The following DNAH7 variants were observed in gnomAD, a reference collection of about 807,000 sequenced individuals.
The protein encoded by DNAH7 is dynein axonemal heavy chain 7.
A neutral mutation model predicts 444.6 loss-of-function variants in DNAH7; 397 were observed. The observed-to-expected ratio is 0.89, with a 90% CI of 0.82 to 0.97. DNAH7 has a LOEUF of 0.97. Ranked by LOEUF, DNAH7 falls within the 50% of genes least tolerant of loss-of-function variation. The pLI is 0.00. For synonymous variants in DNAH7, 1,636 were observed against 1,624.4 expected, an observed-to-expected ratio of 1.01 and a Z score of -0.17; for missense variants, 4,902 against 4,800.8, an observed-to-expected ratio of 1.02 and a Z score of -0.62.
At chr2:196,057,599 T>A (rs1175692909) in intron 2 of DNAH7, among the ~76,000 whole-genome samples, 1 of 152,194 alleles carries the variant, frequency 6.6e-6, no homozygotes, top group East Asian at 1.9e-4. Context: ...CACTTAAAAT[T>A]TTCATCCAAG....
chr2:195,821,070 T>C (rs538749545), intron 49 of DNAH7, among the ~76,000 whole-genome samples: 1 of 152,208 alleles, frequency 6.6e-6, no homozygotes, highest in South Asian at 2.1e-4. Flanking sequence ...AACTCCACCT[T>C]TGTTTTATGT....
At chr2:195,781,779 A>T (rs112041085) in intron 58 of DNAH7, among the ~76,000 whole-genome samples, 268 of 152,064 alleles carry the variant, frequency 1.8e-3, no homozygotes, top group African/African-American at 6.4e-3. Flanking sequence ...CAACATATGT[A>T]GGTAAAAAAA....
chr2:195,957,500 C>A, intron 18 of DNAH7, 53 bp from the exon 19 acceptor site: 1 of 1,400,168 alleles, frequency 7.1e-7, no homozygotes, highest in Non-Finnish European at 9.4e-7. Context: ...GCAAATGTTT[C>A]AAATGACAAA....
At chr2:195,744,233 G>A (rs1167498883) in intron 63 of DNAH7, among the ~76,000 whole-genome samples, 1 of 152,226 alleles carries the variant, frequency 6.6e-6, no homozygotes, top group Non-Finnish European at 1.5e-5. Flanking sequence ...GCTCGGAGGG[G>A]CCTACGCCCA....
At chr2:195,809,666 T>C in intron 52 of DNAH7, 79 bp downstream of exon 52, 3 of 1,260,592 alleles carry the variant, frequency 2.4e-6, no homozygotes, top group Non-Finnish European at 3.1e-6. Context: ...TCTTTTTATA[T>C]ATATTCCCAT....
chr2:195,903,846 C>A (rs1181846788), intron 27 of DNAH7: 2 of 152,138 alleles, frequency 1.3e-5, no homozygotes. Context: ...CTCCTCACTA[C>A]ACCCAAGTTC....
At chr2:195,832,038 T>C (rs1023869525) in intron 48 of DNAH7, among the ~76,000 whole-genome samples, 1 of 152,228 alleles carries the variant, frequency 6.6e-6, no homozygotes, top group Non-Finnish European at 1.5e-5. Context: ...ACTAAGTACA[T>C]ATATATGCAT....
intron 19 of DNAH7, among the ~76,000 whole-genome samples, chr2:195,956,693 T>C (rs4467289): frequency 0.07 from 10,717 of 152,154 alleles, 726 homozygotes; most frequent in African/African-American, 0.18. Flanking sequence ...AAAACGTACT[T>C]TTTTTTAGTG....
At position 195,881,708 on chromosome 2, in the gene DNAH7, T is replaced by C. The variant is rs1329866053; in HGVS notation, c.5961+87A>G. On this transcript the variant is annotated intron_variant, in intron 36 of 64. Coordinates refer to ENST00000312428, the MANE Select transcript of DNAH7 (RefSeq NM_018897.3). Reference sequence around the variant, plus strand: ...GTTCAAACATCAAAGTACTTGAGTATTTTTAAAAAATTATTTGTCTGCTAT... The same window carrying C: ...GTTCAAACATCAAAGTACTTGAGTACTTTTAAAAAATTATTTGTCTGCTAT... 3.6e-6 allele frequency: 5 copies of C among 1,390,738 alleles called. No individual in the cohort carries two copies. In the Admixed American group the frequency reaches 6.3e-5, roughly 18 times the overall value. 86.1% of individuals were successfully genotyped at this position (1,390,738 alleles called of 1,614,324 possible).
chr2:196,046,644 A>C (rs931029612), intron 5 of DNAH7, among the ~76,000 whole-genome samples: 3 of 151,692 alleles, frequency 2.0e-5, no homozygotes, highest in Non-Finnish European at 4.4e-5. Flanking sequence ...TGGGACTCCG[A>C]TACACTCCTT....
intron 54 of DNAH7, among the ~76,000 whole-genome samples, chr2:195,801,552 A>G (rs1696458258): frequency 6.6e-6 from 1 of 152,166 alleles, no homozygotes; most frequent in Admixed American, 6.6e-5. Flanking sequence ...CTGCTCAGAT[A>G]CAAGAATGGA....
chr2:195,904,291 T>G (rs181581707), intron 27 of DNAH7: 1 of 152,286 alleles, frequency 6.6e-6, no homozygotes, highest in Non-Finnish European at 1.5e-5. Context: ...ACTGTACATA[T>G]GTTTAGCGTT....
intron 10 of DNAH7, among the ~76,000 whole-genome samples, chr2:196,008,183 T>C (rs1364382141): frequency 1.3e-5 from 2 of 151,990 alleles, no homozygotes; most frequent in Non-Finnish European, 2.9e-5. Flanking sequence ...CATAAAAAGA[T>C]AGTCAACATC....
At position 195,864,632 on chromosome 2, in the gene DNAH7, C is replaced by A. The variant is rs375086705; in HGVS notation, c.7023G>T (p.Gly2341=). ...KQPRSHALLV[G]VGGSGRQSVT... ...CAGACTGCCTTCCACTCCCTCCAAC[C>A]CCTACTAGGAGAGCATGGCTGCGAG... The change falls in exon 41 of 65, where the codon GGG becomes GGT. Residue 2341 remains glycine (G), a synonymous_variant. Coordinates refer to ENST00000312428, the MANE Select transcript of DNAH7 (RefSeq NM_018897.3). The A allele has an allele frequency of 6.2e-7, 1 of 1,614,054 alleles. No homozygotes were observed. Among genetic ancestry groups the A allele is most frequent in the Non-Finnish European group, 8.5e-7 (1 of 1,180,044 alleles).
chr2:195,965,786 G>C (rs1344871610), intron 17 of DNAH7, among the ~76,000 whole-genome samples: 3 of 152,092 alleles, frequency 2.0e-5, no homozygotes, highest in African/African-American at 7.2e-5. Context: ...TTGAGCCTTA[G>C]AGTTTCTACA....
intron 44 of DNAH7, among the ~76,000 whole-genome samples, chr2:195,856,496 T>C (rs903496128): frequency 3.3e-5 from 5 of 152,194 alleles, no homozygotes; most frequent in Non-Finnish European, 5.9e-5. Context: ...AGTCATGTTA[T>C]CTAACAAACA....
At chr2:196,026,580 A>AT (rs977505155) in intron 7 of DNAH7, among the ~76,000 whole-genome samples, 180 bp downstream of exon 7, 1 of 152,164 alleles carries the variant, frequency 6.6e-6, no homozygotes, top group South Asian at 2.1e-4. Flanking sequence ...AAATAGAATT[A>AT]TTTTTTGTAA....
chr2:195,995,638 T>C (rs1032278205), intron 12 of DNAH7: 3 of 237,612 alleles, frequency 1.3e-5, no homozygotes, highest in Admixed American at 5.2e-5. Context: ...ACCAGTGGTG[T>C]GGGGGTGAAG....
At chr2:195,949,636 T>G (rs761814161) in intron 19 of DNAH7, among the ~76,000 whole-genome samples, 4 of 152,130 alleles carry the variant, frequency 2.6e-5, no homozygotes, top group Non-Finnish European at 4.4e-5. Context: ...CTTCCAATAC[T>G]ATGTTGAATA....
Sources: gnomAD v4.1 joint callset for allele counts (sites outside exome capture counted in the v4.1 genomes callset) on GRCh38, gnomAD v4.1.1 for gene constraint, MANE v1.5 for transcripts, NCBI Gene and HGNC (gene_info 2026-07-23, HGNC 2026-07-21) for gene names.